ATP10B: variants seen among roughly 807,000 people sequenced by gnomAD.
ATP10B encodes the protein phospholipid-transporting ATPase VB.
In ATP10B, 122 loss-of-function variants were observed where a neutral mutation model predicts 141.2. That is an observed-to-expected ratio of 0.86 (90% CI 0.75 to 1.00). The LOEUF is 1.00. Ranked by LOEUF, ATP10B falls within the 50% of genes least tolerant of loss-of-function variation. ATP10B has a pLI of 0.00. For missense variants in ATP10B, 1,876 were observed against 1,825.3 expected (o/e 1.03, Z -0.51); for synonymous variants, 685 against 692.0 (o/e 0.99, Z 0.16).
intron 2 of ATP10B, among the ~76,000 whole-genome samples, chr5:160,769,820 T>C (rs1200525090): frequency 6.6e-6 from 1 of 152,170 alleles, no homozygotes; most frequent in Non-Finnish European, 1.5e-5. Context: ...GACTTAGAGT[T>C]AAGGATCCCA....
rs138627252 is a variant in ATP10B at position 160,621,651 on chromosome 5, G to A, written c.1813-701C>T. On this transcript the variant is annotated intron_variant, in intron 14 of 25. Transcript: ENST00000327245. ...CTGGGCATAATGAAGGGAGGTTGTGGTTTAGTGCCTGGGTGAAACTTCTTG... is the reference window on the plus strand; with the variant it reads ...CTGGGCATAATGAAGGGAGGTTGTGATTTAGTGCCTGGGTGAAACTTCTTG... 1.9e-3 allele frequency among the ~76,000 whole-genome samples: 290 copies of A among 152,292 alleles called. 1 individual carries two copies. The highest frequency in any genetic ancestry group is 6.7e-3 in the African/African-American group (279 of 41,546).
At chr5:160,617,758 T>C in intron 16 of ATP10B, 106 bp downstream of exon 16, 1 of 1,021,854 alleles carries the variant, frequency 9.8e-7, no homozygotes, top group South Asian at 1.5e-5. Context: ...CTTGAAAATG[T>C]TAAAACAACC....
chr5:160,689,871 G>A (rs1763969586), intron 3 of ATP10B, among the ~76,000 whole-genome samples: 1 of 152,056 alleles, frequency 6.6e-6, no homozygotes, highest in Admixed American at 6.6e-5. Flanking sequence ...AATTTCATAT[G>A]TAACCAAAAA....
intron 6 of ATP10B, among the ~76,000 whole-genome samples, chr5:160,676,179 G>A (rs760701144): frequency 5.3e-5 from 8 of 152,172 alleles, no homozygotes; most frequent in Non-Finnish European, 1.2e-4. Context: ...ACCCACTCCT[G>A]ACCTTTTTGA....
chr5:160,604,162 A>G (rs1757251207), intron 19 of ATP10B, 121 bp from the exon 20 acceptor site: 1 of 737,646 alleles, frequency 1.4e-6, no homozygotes, highest in Non-Finnish European at 2.4e-6. Flanking sequence ...CTAGTGCTAT[A>G]GAAAGTCATT....
chr5:160,595,581 CA>C (rs1240795565), intron 22 of ATP10B, among the ~76,000 whole-genome samples: 2 of 152,024 alleles, frequency 1.3e-5, no homozygotes, highest in African/African-American at 4.8e-5. Flanking sequence ...AAAAACCCTT[CA>C]AAAAATCAAT....
intron 2 of ATP10B, among the ~76,000 whole-genome samples, chr5:160,744,407 G>C (rs1767671245): frequency 5.3e-5 from 8 of 152,164 alleles, no homozygotes; most frequent in Admixed American, 5.2e-4. Context: ...GTTTCTATCT[G>C]GCTGGGGACT....
chr5:160,680,707 G>A (rs925834906), intron 6 of ATP10B, among the ~76,000 whole-genome samples: 7 of 152,162 alleles, frequency 4.6e-5, no homozygotes, highest in Non-Finnish European at 1.0e-4. Context: ...ATGGCCCATA[G>A]GCTTTCAGGG....
intron 1 of ATP10B, among the ~76,000 whole-genome samples, chr5:160,847,210 TG>T (rs1165800007): frequency 6.6e-6 from 1 of 152,200 alleles, no homozygotes; most frequent in Non-Finnish European, 1.5e-5. Flanking sequence ...TAATAGTTCC[TG>T]GGGCATTTCA....
rs370675878 is a variant in ATP10B at position 160,660,115 on chromosome 5, G to T, written c.675+10348C>A. Among the ~76,000 whole-genome samples the T allele has an allele frequency of 9.8e-5, 15 of 152,318 alleles. 1 individual carries two copies. The highest frequency in any genetic ancestry group is 3.4e-4 in the African/African-American group (14 of 41,566). On this transcript the variant is annotated intron_variant, in intron 7 of 25. Transcript: ENST00000327245. The stretch of plus-strand genomic sequence containing the variant: ...AAAAGATTACGTATTTAATGTGGAT[G>T]AGGTGGACTAAAAAACCTCTATTCT...
At chr5:160,828,082 C>G (rs891953418) in intron 1 of ATP10B, among the ~76,000 whole-genome samples, 79 of 152,188 alleles carry the variant, frequency 5.2e-4, no homozygotes, top group African/African-American at 1.7e-3. Context: ...AAGACTTACA[C>G]GTTAGACCTA....
At chr5:160,628,743 C>T (rs1190077454) in intron 13 of ATP10B, among the ~76,000 whole-genome samples, 5 of 152,112 alleles carry the variant, frequency 3.3e-5, no homozygotes, top group Non-Finnish European at 7.4e-5. Context: ...TACACAAAGA[C>T]TCTCTGCTGA....
chr5:160,865,486 G>A, the ATP10B span, among the ~76,000 whole-genome samples: 3 of 151,990 alleles, frequency 2.0e-5, no homozygotes, highest in Non-Finnish European at 4.4e-5. Flanking sequence ...AGATAACATT[G>A]GAAAATCTCT....
At chr5:160,663,965 A>G (rs1272137071) in intron 7 of ATP10B, among the ~76,000 whole-genome samples, 1 of 152,196 alleles carries the variant, frequency 6.6e-6, no homozygotes, top group Non-Finnish European at 1.5e-5. Context: ...AGAAAGAAAT[A>G]ATAGATATAG....
intron 24 of ATP10B, among the ~76,000 whole-genome samples, chr5:160,587,741 G>A (rs1002636676): frequency 6.6e-6 from 1 of 152,114 alleles, no homozygotes; most frequent in Non-Finnish European, 1.5e-5. Flanking sequence ...GTCTATTGTT[G>A]GTGTATAGGA....
At chr5:160,573,712 C>T (rs1755017168) in intron 24 of ATP10B, among the ~76,000 whole-genome samples, 2 of 152,154 alleles carry the variant, frequency 1.3e-5, no homozygotes, top group Admixed American at 1.3e-4. Context: ...TTCCAAACCA[C>T]CTCCACCCCT....
chr5:160,908,314 C>G, the ATP10B span, among the ~76,000 whole-genome samples: 2 of 152,086 alleles, frequency 1.3e-5, no homozygotes, highest in African/African-American at 4.8e-5. Context: ...CTATGGAGAT[C>G]TCCCTAGTGC....
intron 2 of ATP10B, among the ~76,000 whole-genome samples, chr5:160,783,425 C>A (rs1770878262): frequency 1.2e-5 from 1 of 81,064 alleles, no homozygotes; most frequent in Admixed American, 1.5e-4. Context: ...TGGATATATC[C>A]ATGGATAGAT....
In ATP10B at chr5:160,653,381, G is replaced by C. The variant is rs576814773; in HGVS notation, c.676-4125C>G. ...ATATACATACGTACATACATACATA[G>C]GTAGTATATATACATACGTACATAC... is the stretch of plus-strand genomic sequence containing the variant. On this transcript the variant is annotated intron_variant, in intron 7 of 25. Transcript: ENST00000327245. Among the ~76,000 whole-genome samples the C allele has an allele frequency of 9.2e-3, 440 of 47,602 alleles. 48 individuals carry two copies. The highest frequency in any genetic ancestry group is 0.034 in the African/African-American group (396 of 11,494). 31.2% of individuals were successfully genotyped at this position (47,602 alleles called of 152,430 possible).
Sources: gnomAD v4.1 joint callset for allele counts (sites outside exome capture counted in the v4.1 genomes callset) on GRCh38, gnomAD v4.1.1 for gene constraint, MANE v1.5 for transcripts, NCBI Gene and HGNC (gene_info 2026-07-23, HGNC 2026-07-21) for gene names.